Variants in PYGB observed in about 807,000 individuals in gnomAD.
The protein encoded by PYGB is glycogen phosphorylase B.
Under a neutral mutation model 94.3 loss-of-function variants are expected in PYGB, and 82 were observed. The ratio of observed to expected loss-of-function variants is 0.87; its 90% CI spans 0.73 to 1.04. The LOEUF (loss-of-function observed/expected upper bound fraction) is 1.04, where lower values mean the gene tolerates loss of function less well. Ranked by LOEUF, PYGB falls within the 50% of genes least tolerant of loss-of-function variation. The pLI, the probability that PYGB is intolerant of heterozygous loss-of-function variation, is 0.00. For synonymous variants in PYGB, 488 were observed against 479.1 expected, an observed-to-expected ratio of 1.02 and a Z score of -0.24; for missense variants, 1,132 against 1,158.2, an observed-to-expected ratio of 0.98 and a Z score of 0.33.
chr20:25,274,575 A>G lies in PYGB; in HGVS notation c.529-17A>G, dbSNP rs1236099028. The stretch of plus-strand genomic sequence containing the variant: ...ACATCTGCGCTGAGGGTGCCCTCAC[A>G]GCTGGCTTCTTTCCAGGTAGAGGAG... On this transcript the variant is annotated splice_polypyrimidine_tract_variant and intron_variant, in intron 4 of 19. Coordinates refer to ENST00000216962, the MANE Select transcript of PYGB (RefSeq NM_002862.4). 1.9e-6 allele frequency: 3 copies of G among 1,611,126 alleles called. No individual in the cohort carries two copies. The highest frequency in any genetic ancestry group is 2.5e-6 in the Non-Finnish European group (3 of 1,178,678).
rs1415093280 is a variant in PYGB at position 25,295,679 on chromosome 20, C to T, written c.2379+9C>T. 6.2e-7 allele frequency: 1 copy of T among 1,611,546 alleles called. No homozygotes were observed. Among genetic ancestry groups the T allele is most frequent in the African/African-American group, 1.3e-5 (1 of 74,996 alleles). On this transcript the variant is annotated intron_variant, in intron 19 of 19. Coordinates refer to ENST00000216962, the MANE Select transcript of PYGB (RefSeq NM_002862.4). ...TGGACCAGCTGTACCGGGTGAGGCTCCTGGGTCCAGAGGCTAGGGGAGCAG... is the reference window on the plus strand; with the variant it reads ...TGGACCAGCTGTACCGGGTGAGGCTTCTGGGTCCAGAGGCTAGGGGAGCAG...
At chr20:25,249,725 G>T (rs767851087) in intron 1 of PYGB, among the ~76,000 whole-genome samples, 6 of 152,190 alleles carry the variant, frequency 3.9e-5, no homozygotes, top group Non-Finnish European at 8.8e-5. Flanking sequence ...AAACATAGAA[G>T]TGGCAACGAA....
chr20:25,282,175 T>G (rs762502437), intron 12 of PYGB, 28 bp downstream of exon 12: 1 of 1,555,510 alleles, frequency 6.4e-7, no homozygotes, highest in South Asian at 1.1e-5. Flanking sequence ...CCCGTGCCTG[T>G]GGAGATGCCT....
rs201762016 is a variant in PYGB, at chr20:25,276,633, G to A, written c.661-13G>A. On this transcript the variant is annotated splice_polypyrimidine_tract_variant and intron_variant, in intron 5 of 19. Coordinates refer to ENST00000216962, the MANE Select transcript of PYGB (RefSeq NM_002862.4). ...CTTGCCACTCCGTCCTGAGCAACCC[G>A]TTTTGTGGCCAGGTGGTGCTGGCCA... 1.3e-5 allele frequency: 21 copies of A among 1,611,446 alleles called. No individual in the cohort carries two copies. The highest frequency in any genetic ancestry group is 5.0e-5 in the Admixed American group (3 of 59,984).
intron 5 of PYGB, among the ~76,000 whole-genome samples, chr20:25,276,364 A>G (rs1383449667): frequency 6.6e-6 from 1 of 152,130 alleles, no homozygotes; most frequent in Admixed American, 6.5e-5. Context: ...TCTTCAGTCA[A>G]AGCCATTCCT....
intron 2 of PYGB, among the ~76,000 whole-genome samples, chr20:25,266,962 G>A (rs2088223912): frequency 6.6e-6 from 1 of 152,216 alleles, no homozygotes; most frequent in African/African-American, 2.4e-5. Flanking sequence ...GAATTCTCAT[G>A]TAGCCTAGCA....
At chr20:25,294,805 G>A (rs1417314850) in intron 18 of PYGB, 3 of 735,590 alleles carry the variant, frequency 4.1e-6, no homozygotes, top group African/African-American at 3.4e-5. Context: ...GGTTTATCTA[G>A]AGTTACAGAC....
At chr20:25,267,492 A>G (rs1472898296) in intron 2 of PYGB, among the ~76,000 whole-genome samples, 2 of 152,034 alleles carry the variant, frequency 1.3e-5, no homozygotes, top group Non-Finnish European at 2.9e-5. Flanking sequence ...TCAGAAGCCC[A>G]CTGCAGCAGA....
In PYGB at chr20:25,292,314, G is replaced by A. The variant is rs116321192; in HGVS notation, c.1970-92G>A. 6.8e-3 allele frequency: 9,777 copies of A among 1,442,908 alleles called. 521 individuals carry two copies. The African/African-American group carries it at 0.12, about 18-fold the overall frequency. 89.4% of individuals were successfully genotyped at this position (1,442,908 alleles called of 1,614,324 possible). ...ATTGGTCCCTCCACGACCCAGCCCC[G>A]GGTGGATGGGCCGGCTTGTCCTGCA... On this transcript the variant is annotated intron_variant, in intron 16 of 19. Coordinates refer to ENST00000216962, the MANE Select transcript of PYGB (RefSeq NM_002862.4).
rs1600745144 is a variant in PYGB at position 25,294,013 on chromosome 20, C to T, written c.2178-145C>T. 1.0e-5 allele frequency: 11 copies of T among 1,094,850 alleles called. No individual in the cohort carries two copies. In the East Asian group the frequency reaches 2.8e-4, roughly 28 times the overall value. The allele number at this position is 1,094,850 out of a possible 1,614,324, so 67.8% of individuals were successfully genotyped here. ...CAAGGGCCTCGTAACCACCCATGGC[C>T]ACTGGCTGCTGCCCTGGACCGTGCA... On this transcript the variant is annotated intron_variant, in intron 17 of 19. Transcript: ENST00000216962.
At chr20:25,284,479 G>A (rs2088400143) in intron 14 of PYGB, among the ~76,000 whole-genome samples, 1 of 152,252 alleles carries the variant, frequency 6.6e-6, no homozygotes, top group South Asian at 2.1e-4. Context: ...AAAGGCCCAG[G>A]CTGGAGTGCA....
chr20:25,264,539 C>T (rs1198413088), intron 2 of PYGB, among the ~76,000 whole-genome samples: 1 of 152,102 alleles, frequency 6.6e-6, no homozygotes, highest in Non-Finnish European at 1.5e-5. Context: ...TCATCTCAGC[C>T]CCAAATCTCC....
chr20:25,290,705 C>T, intron 16 of PYGB, 83 bp downstream of exon 16: 2 of 1,538,686 alleles, frequency 1.3e-6, no homozygotes, highest in South Asian at 1.2e-5. Flanking sequence ...CTTTCATCCT[C>T]AGCCAGTTCA....
At chr20:25,294,882 G>A in intron 18 of PYGB, 1 of 1,428,666 alleles carries the variant, frequency 7.0e-7, no homozygotes, top group African/African-American at 1.4e-5. Flanking sequence ...CGAGGGCTGG[G>A]AATTCACCTG....
intron 15 of PYGB, 121 bp downstream of exon 15, chr20:25,288,604 AC>A (rs748822979): frequency 8.4e-7 from 1 of 1,192,832 alleles, no homozygotes; most frequent in Non-Finnish European, 1.2e-6. Flanking sequence ...CCCAGCGGTC[AC>A]CGGCCCCTCT....
In PYGB at chr20:25,284,238, C is replaced by A. The variant is rs751094504; in HGVS notation, c.1755C>A (p.Val585=). The change falls in exon 14 of 20, where the codon GTC becomes GTA. Residue 585 remains valine, a synonymous_variant. Transcript: ENST00000216962. The part of the protein sequence containing the change: ...KRQLLNCLHV[V]TLYNRIKRDP... ...AGCTGCTCAACTGCCTGCACGTCGTCACCCTGTACAATCGTGAGTGCCGGC... is the reference window on the plus strand; with the variant it reads ...AGCTGCTCAACTGCCTGCACGTCGTAACCCTGTACAATCGTGAGTGCCGGC... 3.1e-6 allele frequency: 5 copies of A among 1,613,748 alleles called. No individual in the cohort carries two copies. In the Admixed American group the frequency reaches 8.3e-5, roughly 27 times the overall value.
At chr20:25,268,481 G>C (rs2088239084) in intron 2 of PYGB, among the ~76,000 whole-genome samples, 1 of 151,664 alleles carries the variant, frequency 6.6e-6, no homozygotes, top group African/African-American at 2.4e-5. Flanking sequence ...ACTTTAAAAA[G>C]GTCTGCATTT....
chr20:25,285,003 A>G (rs1486174055), intron 14 of PYGB: 1 of 152,232 alleles, frequency 6.6e-6, no homozygotes, highest in Non-Finnish European at 1.5e-5. Context: ...TAAAGTAGGT[A>G]TTTTAAAAAC....
chr20:25,295,813 C>T (rs2088533304), intron 19 of PYGB, 143 bp downstream of exon 19: 1 of 908,764 alleles, frequency 1.1e-6, no homozygotes, highest in East Asian at 2.6e-5. Flanking sequence ...CATCAGTCGG[C>T]TGTGCCTGCC....
Sources: allele counts gnomAD v4.1 joint callset (sites outside exome capture counted in the v4.1 genomes callset), GRCh38; gene constraint gnomAD v4.1.1; transcripts MANE v1.5; gene names NCBI Gene and HGNC (gene_info 2026-07-23, HGNC 2026-07-21).